GLRA3: variants seen among roughly 807,000 people sequenced by gnomAD.
The protein encoded by GLRA3 is glycine receptor subunit alpha-3.
GLRA3 carries 44 observed loss-of-function variants against 60.4 expected under a neutral mutation model. That is an observed-to-expected ratio of 0.73 (90% CI 0.57 to 0.94). The LOEUF is 0.94. Ranked by LOEUF, GLRA3 falls within the 40% of genes least tolerant of loss-of-function variation. The pLI is 0.00. For synonymous variants in GLRA3, 223 were observed against 192.9 expected, an observed-to-expected ratio of 1.16 and a Z score of -1.29; for missense variants, 508 against 564.6, an observed-to-expected ratio of 0.90 and a Z score of 1.02.
At chr4:174,677,375 T>A in intron 6 of GLRA3, 83 bp from the exon 7 acceptor site, 1 of 806,878 alleles carries the variant, frequency 1.2e-6, no homozygotes, top group Non-Finnish European at 2.1e-6. Context: ...CTCTTTTTTT[T>A]TTGAGACAGG....
At position 174,705,543 on chromosome 4, in the gene GLRA3, G is replaced by A. The variant is rs1002230810; in HGVS notation, c.574+9945C>T. Reference sequence around the variant, plus strand: ...ACCTTGTGGTATCATGACATGAGTTGAAAGTAGAACCTGGGTAAATACAAT... The same window carrying A: ...ACCTTGTGGTATCATGACATGAGTTAAAAGTAGAACCTGGGTAAATACAAT... On this transcript the variant is annotated intron_variant, in intron 5 of 9. Transcript: ENST00000274093. Among the ~76,000 whole-genome samples, 3 of 144,462 alleles carry A rather than the reference G, an allele frequency of 2.1e-5. No individual in the cohort carries two copies. In the South Asian group the frequency reaches 6.6e-4, roughly 32 times the overall value. 94.8% of individuals were successfully genotyped at this position (144,462 alleles called of 152,430 possible). A position where few individuals can be genotyped will look rare whatever the true frequency, so the allele number is the denominator to read the frequency against.
intron 2 of GLRA3, among the ~76,000 whole-genome samples, chr4:174,783,811 C>G (rs1468763064): frequency 6.6e-6 from 1 of 151,980 alleles, no homozygotes; most frequent in African/African-American, 2.4e-5. Context: ...ATTAAAAAGT[C>G]AGGAATCAAC....
intron 9 of GLRA3, among the ~76,000 whole-genome samples, chr4:174,645,509 A>G (rs921688669): frequency 6.6e-6 from 1 of 152,116 alleles, no homozygotes; most frequent in African/African-American, 2.4e-5. Context: ...AAGTGAAAAA[A>G]TAGAAATTAT....
At chr4:174,682,434 A>C (rs1418010371) in intron 6 of GLRA3, among the ~76,000 whole-genome samples, 1 of 152,204 alleles carries the variant, frequency 6.6e-6, no homozygotes, top group Non-Finnish European at 1.5e-5. Flanking sequence ...AAAAAATGCA[A>C]TTTAAAAAAA....
At chr4:174,692,328 C>A (rs1200941458) in intron 5 of GLRA3, among the ~76,000 whole-genome samples, 1 of 146,012 alleles carries the variant, frequency 6.8e-6, no homozygotes, top group Non-Finnish European at 1.5e-5. Context: ...GGGGGTCAGC[C>A]CCCCGCTCGG....
chr4:174,819,315 G>T (rs906791481), intron 1 of GLRA3, among the ~76,000 whole-genome samples: 1 of 152,144 alleles, frequency 6.6e-6, no homozygotes, highest in African/African-American at 2.4e-5. Context: ...CTCTTGAAGA[G>T]TCATACAGAT....
At chr4:174,764,281 G>A (rs531929925) in intron 3 of GLRA3, among the ~76,000 whole-genome samples, 167 of 152,160 alleles carry the variant, frequency 1.1e-3, no homozygotes, top group African/African-American at 3.2e-3. Context: ...TTAAAAGTGA[G>A]ACATACCAGT....
In GLRA3 at chr4:174,637,598, GC is replaced by G. The variant is rs1184325581; in HGVS notation, c.*6187del. ...TATGTGAGCGGGGTTGCCCAAAGGC[GC>G]CATTGCTAAAACCACCCCAGAGTAA... is the stretch of plus-strand genomic sequence containing the variant. On this transcript the variant is annotated 3_prime_UTR_variant, in exon 10 of 10. Transcript: ENST00000274093. The G allele has an allele frequency of 6.6e-6, 1 of 152,136 alleles. No individual in the cohort carries two copies. The highest frequency in any genetic ancestry group is 1.5e-5 in the Non-Finnish European group (1 of 68,034). 9.4% of individuals were successfully genotyped at this position (152,136 alleles called of 1,614,324 possible). A position where few individuals can be genotyped will look rare whatever the true frequency, so the allele number is the denominator to read the frequency against.
At chr4:174,741,221 G>A (rs1240487243) in intron 3 of GLRA3, among the ~76,000 whole-genome samples, 1 of 152,108 alleles carries the variant, frequency 6.6e-6, no homozygotes, top group African/African-American at 2.4e-5. Context: ...CAGTTTCTTT[G>A]CACTCTTATC....
intron 6 of GLRA3, among the ~76,000 whole-genome samples, chr4:174,681,994 TG>T (rs1233613453): frequency 3.3e-5 from 5 of 152,262 alleles, no homozygotes; most frequent in African/African-American, 1.2e-4. Flanking sequence ...CTTTGAATAG[TG>T]AAAGGTCACA....
intron 3 of GLRA3, among the ~76,000 whole-genome samples, chr4:174,734,523 G>A (rs1736693299): frequency 6.6e-6 from 1 of 152,072 alleles, no homozygotes; most frequent in African/African-American, 2.4e-5. Flanking sequence ...AGGCTTAAAA[G>A]GTTATCTTAA....
chr4:174,807,029 A>G (rs1464408479), intron 1 of GLRA3, among the ~76,000 whole-genome samples: 6 of 152,056 alleles, frequency 3.9e-5, no homozygotes, highest in African/African-American at 1.2e-4. Flanking sequence ...CTATGTTCTC[A>G]GAAGAAAATA....
intron 1 of GLRA3, among the ~76,000 whole-genome samples, chr4:174,824,225 C>T (rs1185965623): frequency 6.6e-6 from 1 of 152,108 alleles, no homozygotes; most frequent in African/African-American, 2.4e-5. Context: ...TTTTAAGAAA[C>T]TATATTTTGA....
At chr4:174,747,717 T>C (rs1263450558) in intron 3 of GLRA3, among the ~76,000 whole-genome samples, 2 of 152,168 alleles carry the variant, frequency 1.3e-5, no homozygotes, top group Non-Finnish European at 2.9e-5. Context: ...ATTTTCTGGC[T>C]GACTCAATGA....
chr4:174,729,830 T>C (rs1687250562), intron 3 of GLRA3, among the ~76,000 whole-genome samples: 1 of 152,356 alleles, frequency 6.6e-6, no homozygotes, highest in South Asian at 2.1e-4. Flanking sequence ...ATTTTTCATC[T>C]ATTTTTCTAT....
intron 3 of GLRA3, among the ~76,000 whole-genome samples, chr4:174,765,707 C>T (rs1418768952): frequency 6.6e-6 from 1 of 151,950 alleles, no homozygotes; most frequent in Non-Finnish European, 1.5e-5. Context: ...GAAGAAATTG[C>T]ACCAGAACCA....
intron 2 of GLRA3, among the ~76,000 whole-genome samples, chr4:174,783,422 G>A (rs1283929547): frequency 3.1e-5 from 4 of 130,270 alleles, no homozygotes; most frequent in Non-Finnish European, 6.9e-5. Flanking sequence ...AGGACTTCAT[G>A]TCTAAAACAC....
Position 174,677,430 on chromosome 4 carries a change from G to A in GLRA3, c.713-138C>T, listed in dbSNP as rs1483860739. 3.3e-5 allele frequency: 20 copies of A among 597,976 alleles called. No homozygotes were observed. The East Asian group carries it at 5.6e-4, about 17-fold the overall frequency. 37.0% of individuals were successfully genotyped at this position (597,976 alleles called of 1,614,324 possible). ...GCTGGAGTGAAGTGGCATGATCTCA[G>A]CTCACTGTAGCCTGCGCCTCCTGGA... On this transcript the variant is annotated intron_variant, in intron 6 of 9. Transcript: ENST00000274093.
At chr4:174,689,891 A>T (rs1439093372) in intron 5 of GLRA3, among the ~76,000 whole-genome samples, 1 of 152,010 alleles carries the variant, frequency 6.6e-6, no homozygotes, top group Non-Finnish European at 1.5e-5. Flanking sequence ...CAAATGAAAA[A>T]CAGAAAAATT....
Sources: gnomAD v4.1 joint callset for allele counts (sites outside exome capture counted in the v4.1 genomes callset) on GRCh38, gnomAD v4.1.1 for gene constraint, MANE v1.5 for transcripts, NCBI Gene and HGNC (gene_info 2026-07-23, HGNC 2026-07-21) for gene names.